Variants in ZFHX3 observed in about 807,000 individuals in gnomAD.
ZFHX3 encodes the protein zinc finger homeobox 3.
Under a neutral mutation model 279.1 loss-of-function variants are expected in ZFHX3, and 42 were observed. That is an observed-to-expected ratio of 0.15 (90% CI 0.12 to 0.19). The LOEUF is 0.19. Among genes scored for constraint, ZFHX3 ranks in the 10% least tolerant of loss-of-function variants. The pLI, the probability that ZFHX3 is intolerant of heterozygous loss-of-function variation, is 1.00. For synonymous variants in ZFHX3, 2,293 were observed against 1,957.8 expected (o/e 1.17, Z -4.52); for missense variants, 4,981 against 4,754.0 (o/e 1.05, Z -1.40).
chr16:73,430,922 C>T (rs548468836), intron 3 of ZFHX3, among the ~76,000 whole-genome samples: 2 of 152,188 alleles, frequency 1.3e-5, no homozygotes, highest in Non-Finnish European at 2.9e-5. Flanking sequence ...TTGGGACATA[C>T]TGGGGACAAA....
chr16:73,568,691 T>A (rs705894), intron 2 of ZFHX3, among the ~76,000 whole-genome samples: 1 of 152,030 alleles, frequency 6.6e-6, no homozygotes, highest in Non-Finnish European at 1.5e-5. Context: ...ATTGCCATTG[T>A]GCGAGGCTGC....
intron 3 of ZFHX3, among the ~76,000 whole-genome samples, chr16:73,397,035 G>A (rs900061500): frequency 1.3e-5 from 2 of 152,218 alleles, no homozygotes; most frequent in African/African-American, 4.8e-5. Context: ...AACCTAAGCG[G>A]CTCTCTTGTG....
At chr16:73,086,188 C>G (rs1187074693) in intron 8 of ZFHX3, among the ~76,000 whole-genome samples, 1 of 152,068 alleles carries the variant, frequency 6.6e-6, no homozygotes, top group Non-Finnish European at 1.5e-5. Flanking sequence ...GTTAGAATGG[C>G]TTTTATCAAA....
chr16:73,084,212 T>C (rs1965981833), intron 8 of ZFHX3, among the ~76,000 whole-genome samples: 1 of 152,222 alleles, frequency 6.6e-6, no homozygotes, highest in Non-Finnish European at 1.5e-5. Context: ...TTCACCATTT[T>C]TATTCTTGAC....
intron 3 of ZFHX3, among the ~76,000 whole-genome samples, chr16:72,903,852 T>C (rs1057393317): frequency 3.9e-5 from 6 of 152,196 alleles, no homozygotes; most frequent in Admixed American, 2.0e-4. Context: ...CCCTGCACTA[T>C]GCAGAGACCC....
chr16:73,267,077 G>A (rs1205426983), intron 4 of ZFHX3, among the ~76,000 whole-genome samples: 1 of 152,194 alleles, frequency 6.6e-6, no homozygotes, highest in Non-Finnish European at 1.5e-5. Context: ...AGCATGACCT[G>A]TGGTTTGATT....
At chr16:73,383,602 C>A (rs1249560890) in intron 3 of ZFHX3, among the ~76,000 whole-genome samples, 2 of 150,690 alleles carry the variant, frequency 1.3e-5, no homozygotes, top group East Asian at 3.9e-4. Context: ...TCTTGCGGCT[C>A]ATCTTTGTGG....
intron 1 of ZFHX3, among the ~76,000 whole-genome samples, chr16:73,832,862 A>G (rs940305251): frequency 5.9e-5 from 9 of 152,196 alleles, no homozygotes; most frequent in Non-Finnish European, 1.2e-4. Flanking sequence ...CTCACAAATT[A>G]TCTTCATCAC....
intron 5 of ZFHX3, among the ~76,000 whole-genome samples, chr16:73,151,400 A>C (rs999069371): frequency 2.6e-5 from 4 of 152,128 alleles, no homozygotes; most frequent in Non-Finnish European, 5.9e-5. Context: ...GGAATGTTGC[A>C]TGTAGAGAAC....
chr16:73,408,612 G>A (rs1272475352), intron 3 of ZFHX3, among the ~76,000 whole-genome samples: 3 of 152,182 alleles, frequency 2.0e-5, no homozygotes, highest in Non-Finnish European at 2.9e-5. Context: ...AGAGGAACAC[G>A]AGCAGAGCGG....
chr16:72,949,502 G>C (rs566027052), intron 3 of ZFHX3, among the ~76,000 whole-genome samples: 35 of 152,172 alleles, frequency 2.3e-4, no homozygotes, highest in African/African-American at 8.2e-4. Context: ...GAGACGTCTG[G>C]AGCAATTCTG....
chr16:73,162,214 G>T (rs768061190), intron 5 of ZFHX3, among the ~76,000 whole-genome samples: 1 of 152,194 alleles, frequency 6.6e-6, no homozygotes. Context: ...GTTCCCCATC[G>T]CTTTCATTAC....
intron 3 of ZFHX3, among the ~76,000 whole-genome samples, chr16:73,365,043 C>T (rs966304070): frequency 6.6e-6 from 1 of 152,330 alleles, no homozygotes; most frequent in East Asian, 1.9e-4. Flanking sequence ...CCTCTCCCCC[C>T]ACCCAGGCAT....
Position 72,788,369 on chromosome 16 carries a change from G to A in ZFHX3, c.9907C>T (p.Leu3303Phe). 1.2e-6 allele frequency: 2 copies of A among 1,614,230 alleles called. No individual in the cohort carries two copies. The highest frequency in any genetic ancestry group is 1.7e-6 in the Non-Finnish European group (2 of 1,180,036). The change falls in exon 10 of 10, where the codon CTC becomes TTC. Residue 3303 changes from leucine (L) to phenylalanine (F), a missense_variant. Physicochemically the swap from Leu to Phe is conservative, Grantham distance 22. This residue lies in a region of ZFHX3 where 1,034 missense variants were observed against 786.0 expected (regional missense o/e 1.32). Transcript: ENST00000268489. Reference sequence around the variant, plus strand: ...AAGTAAGGAAGGAACTGGCTTGTGAGCAATGCTGTGGGGTCCGAAGTCAAC... The same window carrying A: ...AAGTAAGGAAGGAACTGGCTTGTGAACAATGCTGTGGGGTCCGAAGTCAAC... ...AALTSDPTAL[L>F]TSQFLPYFVP...
intron 2 of ZFHX3, among the ~76,000 whole-genome samples, chr16:73,491,976 T>C (rs981738057): frequency 1.3e-5 from 2 of 152,240 alleles, no homozygotes; most frequent in Non-Finnish European, 2.9e-5. Context: ...TGAGTGCTTT[T>C]CAACAGCCAG....
chr16:73,023,250 A>G (rs566361071), intron 1 of ZFHX3, among the ~76,000 whole-genome samples: 7 of 152,290 alleles, frequency 4.6e-5, no homozygotes, highest in African/African-American at 1.7e-4. Flanking sequence ...AAATAAAATA[A>G]AATATAGTAT....
At chr16:73,043,348 C>T (rs550110860) in intron 1 of ZFHX3, among the ~76,000 whole-genome samples, 2 of 152,216 alleles carry the variant, frequency 1.3e-5, no homozygotes, top group South Asian at 4.1e-4. Flanking sequence ...AGGCATTTTG[C>T]TAAGAGGCCC....
intron 7 of ZFHX3, among the ~76,000 whole-genome samples, chr16:73,122,568 G>C (rs1966513246): frequency 6.6e-6 from 1 of 152,058 alleles, no homozygotes; most frequent in South Asian, 2.1e-4. Flanking sequence ...CAAGTCTTTT[G>C]GCTGTGTCTC....
chr16:73,268,698 T>A (rs1286745520), intron 4 of ZFHX3, among the ~76,000 whole-genome samples: 1 of 152,220 alleles, frequency 6.6e-6, no homozygotes, highest in Non-Finnish European at 1.5e-5. Flanking sequence ...TGCCCTTTCA[T>A]CAGCCTTTTG....
Sources: gnomAD v4.1 joint callset for allele counts (sites outside exome capture counted in the v4.1 genomes callset) on GRCh38, gnomAD v4.1.1 for gene constraint, gnomAD v4.1.1 regional missense constraint, MANE v1.5 for transcripts, NCBI Gene and HGNC (gene_info 2026-07-23, HGNC 2026-07-21) for gene names.